Variants in NRCAM observed in about 807,000 individuals in gnomAD.
NRCAM encodes the protein neuronal cell adhesion molecule, also known as NgCAM-related cell adhesion molecule.
In NRCAM, 83 loss-of-function variants were observed where a neutral mutation model predicts 156.5. That is an observed-to-expected ratio of 0.53 (90% CI 0.44 to 0.64). The LOEUF is 0.64. Ranked by LOEUF, NRCAM falls within the 30% of genes least tolerant of loss-of-function variation. The pLI is 0.00. For synonymous variants in NRCAM, 538 were observed against 563.9 expected (o/e 0.95, Z 0.65); for missense variants, 1,417 against 1,597.3 (o/e 0.89, Z 1.92).
chr7:108,428,194 T>C (rs1246473613), intron 1 of NRCAM, among the ~76,000 whole-genome samples: 4 of 152,182 alleles, frequency 2.6e-5, no homozygotes, highest in Admixed American at 1.3e-4. Flanking sequence ...TATTATATTA[T>C]ACATATAAAA....
intron 2 of NRCAM, among the ~76,000 whole-genome samples, chr7:108,382,438 T>A (rs920787260): frequency 1.3e-5 from 2 of 152,030 alleles, no homozygotes; most frequent in South Asian, 2.1e-4. Flanking sequence ...TCTATTTTTT[T>A]AATTAAATTA....
chr7:108,430,383 G>A lies in NRCAM; in HGVS notation c.-332+25860C>T, dbSNP rs555611896. Among the ~76,000 whole-genome samples, 5 of 152,244 alleles carry A rather than the reference G, an allele frequency of 3.3e-5. No homozygotes were observed. The East Asian group carries it at 9.7e-4, about 29-fold the overall frequency. On this transcript the variant is annotated intron_variant, in intron 1 of 32. Transcript: ENST00000379028. ...CCGGGATAGAACTAGTGGTGATGGAGGGAAGGGGTCCACTTCCAGATATAT... is the reference window on the plus strand; with the variant it reads ...CCGGGATAGAACTAGTGGTGATGGAAGGAAGGGGTCCACTTCCAGATATAT...
At chr7:108,433,727 G>A (rs1320417073) in intron 1 of NRCAM, among the ~76,000 whole-genome samples, 1 of 152,134 alleles carries the variant, frequency 6.6e-6, no homozygotes, top group African/African-American at 2.4e-5. Context: ...ACCATGAGTG[G>A]AAGCAGTCAA....
chr7:108,161,796 C>T (rs559535310), intron 30 of NRCAM, among the ~76,000 whole-genome samples: 1 of 152,208 alleles, frequency 6.6e-6, no homozygotes, highest in Non-Finnish European at 1.5e-5. Context: ...AAAATATGGA[C>T]ATATGTAGAA....
intron 1 of NRCAM, among the ~76,000 whole-genome samples, chr7:108,423,733 C>T (rs1813343807): frequency 1.3e-5 from 2 of 152,212 alleles, no homozygotes; most frequent in South Asian, 4.1e-4. Flanking sequence ...CAGAATCTGA[C>T]CTGTTCTCTA....
At chr7:108,322,913 T>G (rs1430744769) in intron 2 of NRCAM, among the ~76,000 whole-genome samples, 1 of 152,218 alleles carries the variant, frequency 6.6e-6, no homozygotes, top group Non-Finnish European at 1.5e-5. Flanking sequence ...ATGAATTAAA[T>G]AGCTTACCAA....
intron 32 of NRCAM, among the ~76,000 whole-genome samples, chr7:108,159,014 G>A (rs2047193603): frequency 6.6e-6 from 1 of 152,178 alleles, no homozygotes; most frequent in Non-Finnish European, 1.5e-5. Flanking sequence ...TAAAGGGCAA[G>A]GGTATGGGTA....
At chr7:108,415,295 G>T (rs1020213302) in intron 1 of NRCAM, among the ~76,000 whole-genome samples, 5 of 152,210 alleles carry the variant, frequency 3.3e-5, no homozygotes, top group African/African-American at 1.2e-4. Context: ...GTCTAATGGA[G>T]AAGGAGGTAC....
At chr7:108,346,488 T>C (rs1051929289) in intron 2 of NRCAM, among the ~76,000 whole-genome samples, 1 of 152,226 alleles carries the variant, frequency 6.6e-6, no homozygotes, top group Non-Finnish European at 1.5e-5. Context: ...ACTCACTACA[T>C]GGTTAATTAG....
At chr7:108,240,877 T>C (rs2095477500) in intron 3 of NRCAM, among the ~76,000 whole-genome samples, 1 of 152,176 alleles carries the variant, frequency 6.6e-6, no homozygotes, top group Admixed American at 6.5e-5. Flanking sequence ...ACAAACCTGA[T>C]TTCCTTTTAT....
At chr7:108,267,084 C>CCA (rs775910471) in intron 3 of NRCAM, among the ~76,000 whole-genome samples, 1 of 152,104 alleles carries the variant, frequency 6.6e-6, no homozygotes, top group Non-Finnish European at 1.5e-5. Flanking sequence ...CACATGACAC[C>CCA]CACACACACA....
intron 1 of NRCAM, among the ~76,000 whole-genome samples, chr7:108,433,335 T>C (rs1010786441): frequency 1.3e-5 from 2 of 152,184 alleles, no homozygotes; most frequent in African/African-American, 4.8e-5. Context: ...GTCTTGGATA[T>C]AGGCTCTGGC....
chr7:108,412,952 A>G (rs2190405), intron 1 of NRCAM, among the ~76,000 whole-genome samples: 30,938 of 152,182 alleles, frequency 0.2, 3,743 homozygotes, highest in South Asian at 0.36. Flanking sequence ...ATCCATAGAT[A>G]AACACTTCGG....
At chr7:108,166,455 C>A (rs1305293162) in intron 30 of NRCAM, among the ~76,000 whole-genome samples, 1 of 151,844 alleles carries the variant, frequency 6.6e-6, no homozygotes, top group Non-Finnish European at 1.5e-5. Context: ...ATCATGTTGG[C>A]CAGGCTGGTC....
intron 3 of NRCAM, 89 bp from the exon 4 acceptor site, chr7:108,240,259 G>A (rs373705537): frequency 3.6e-5 from 17 of 466,578 alleles, no homozygotes; most frequent in South Asian, 1.4e-4. Context: ...AGAACTAGCC[G>A]TGTATTATAC....
Position 108,178,025 on chromosome 7 carries a change from C to T in NRCAM, c.2939G>A (p.Gly980Asp). Residue 980 changes from glycine to aspartate, a missense_variant, in exon 26 of 33, where the codon GGC (glycine) becomes GAC (aspartate). Physicochemically the swap from Gly to Asp is moderately conservative, Grantham distance 94. Around this residue, in one of 2 missense-constraint regions of NRCAM, gnomAD observed 1,238 missense variants for 1,336.4 expected, o/e 0.93. Coordinates refer to ENST00000379028, the MANE Select transcript of NRCAM (RefSeq NM_001037132.4). Reference protein sequence around the residue: ...LEWDPPSHPNGILTEYTLKYQ... With the variant: ...LEWDPPSHPNDILTEYTLKYQ... ...CTTTAAGGTGTACTCTGTCAAAATG[C>T]CATTCGGGTGGCTCGGTGGATCCCA... 3 of 1,613,316 alleles carry T rather than the reference C, an allele frequency of 1.9e-6. No homozygotes were observed. Among genetic ancestry groups the T allele is most frequent in the Non-Finnish European group, 1.7e-6 (2 of 1,179,490 alleles).
chr7:108,289,795 G>T (rs2098229838), intron 3 of NRCAM, among the ~76,000 whole-genome samples: 1 of 152,092 alleles, frequency 6.6e-6, no homozygotes, highest in Non-Finnish European at 1.5e-5. Flanking sequence ...AGCATAAACT[G>T]GAAACTTGTT....
chr7:108,353,265 C>A (rs1029436402), intron 2 of NRCAM, among the ~76,000 whole-genome samples: 1 of 152,144 alleles, frequency 6.6e-6, no homozygotes, highest in African/African-American at 2.4e-5. Flanking sequence ...TATGCCACTT[C>A]CATTTTAGAA....
chr7:108,326,714 G>C (rs538840515), intron 2 of NRCAM, among the ~76,000 whole-genome samples: 1 of 152,240 alleles, frequency 6.6e-6, no homozygotes, highest in South Asian at 2.1e-4. Flanking sequence ...CCTAGGGAAG[G>C]TTTACAGATT....
Sources: allele counts gnomAD v4.1 joint callset (sites outside exome capture counted in the v4.1 genomes callset), GRCh38; gene constraint gnomAD v4.1.1; regional missense constraint gnomAD v4.1.1; transcripts MANE v1.5; gene names NCBI Gene and HGNC (gene_info 2026-07-23, HGNC 2026-07-21).